LRRTM4: variants seen among roughly 807,000 people sequenced by gnomAD.
The protein encoded by LRRTM4 is leucine rich repeat transmembrane neuronal 4.
LRRTM4 carries 25 observed loss-of-function variants against 47.6 expected under a neutral mutation model. The observed-to-expected ratio is 0.53, with a 90% CI of 0.38 to 0.73. The LOEUF is 0.73. LRRTM4 is among the 30% of genes least tolerant of loss of function. The pLI is 0.00. For synonymous variants in LRRTM4, 311 were observed against 269.5 expected (o/e 1.15, Z -1.51); for missense variants, 638 against 713.4 (o/e 0.89, Z 1.20).
intron 3 of LRRTM4, among the ~76,000 whole-genome samples, chr2:77,253,598 C>T (rs1043854593): frequency 1.3e-5 from 2 of 152,050 alleles, no homozygotes; most frequent in Admixed American, 1.3e-4. Context: ...GAAATGACAA[C>T]TAACAGATGC....
chr2:77,082,106 G>A (rs1009393368), intron 3 of LRRTM4, among the ~76,000 whole-genome samples: 2 of 152,008 alleles, frequency 1.3e-5, no homozygotes, highest in Admixed American at 1.3e-4. Flanking sequence ...AAAACAAGTA[G>A]ATCCAAGAAG....
At position 76,795,592 on chromosome 2, in the gene LRRTM4, TAC is replaced by T. The variant is rs1299097982; in HGVS notation, c.1552-46678_1552-46677del. On this transcript the variant is annotated intron_variant, in intron 3 of 3. Transcript: ENST00000409884. ...GTGCATATATATGCACACACACACATACACACACACTACATTTTCTTTATCCA... is the reference window on the plus strand; with the variant it reads ...GTGCATATATATGCACACACACACATACACACACTACATTTTCTTTATCCA... Among the ~76,000 whole-genome samples, 9 of 108,546 alleles carry T rather than the reference TAC, an allele frequency of 8.3e-5. No homozygotes were observed. The East Asian group carries it at 1.9e-3, about 23-fold the overall frequency. 71.2% of individuals were successfully genotyped at this position (108,546 alleles called of 152,430 possible).
chr2:76,862,960 T>C (rs879262420), intron 3 of LRRTM4, among the ~76,000 whole-genome samples: 1 of 152,224 alleles, frequency 6.6e-6, no homozygotes, highest in Non-Finnish European at 1.5e-5. Context: ...TTCCAGATTA[T>C]GTTTCTACCC....
In LRRTM4 at chr2:77,003,742, C is replaced by CT. The variant is rs574880944; in HGVS notation, c.1552-254827dup. Among the ~76,000 whole-genome samples the CT allele has an allele frequency of 5.9e-5, 9 of 152,190 alleles. No homozygotes were observed. The South Asian group carries it at 1.9e-3, about 32-fold the overall frequency. ...TAGTGGGACACTGCTGTAAAGACAC[C>CT]TGAAAATGTGGAAGCAACTTTGGAA... On this transcript the variant is annotated intron_variant, in intron 3 of 3. Coordinates refer to ENST00000409884, the MANE Select transcript of LRRTM4 (RefSeq NM_001134745.3).
intron 3 of LRRTM4, among the ~76,000 whole-genome samples, chr2:76,832,220 A>G (rs1373971515): frequency 2.0e-5 from 3 of 152,090 alleles, no homozygotes; most frequent in African/African-American, 4.8e-5. Context: ...CACCAATTTG[A>G]TTCTAAGCAA....
intron 3 of LRRTM4, among the ~76,000 whole-genome samples, chr2:76,916,220 T>C (rs760938881): frequency 6.6e-6 from 1 of 150,842 alleles, no homozygotes; most frequent in Non-Finnish European, 1.5e-5. Context: ...TTAAAAAATA[T>C]GTATGGTCCA....
At chr2:77,301,842 A>G (rs977676531) in intron 3 of LRRTM4, among the ~76,000 whole-genome samples, 12 of 152,178 alleles carry the variant, frequency 7.9e-5, no homozygotes, top group African/African-American at 1.9e-4. Context: ...CAGATATCAC[A>G]TATTGTATGC....
intron 3 of LRRTM4, among the ~76,000 whole-genome samples, chr2:76,923,037 G>A (rs1307405224): frequency 6.6e-6 from 1 of 152,060 alleles, no homozygotes; most frequent in Non-Finnish European, 1.5e-5. Context: ...TAAGCATTAT[G>A]TCTTATTGGG....
chr2:76,998,663 G>A (rs1473548528), intron 3 of LRRTM4, among the ~76,000 whole-genome samples: 2 of 149,790 alleles, frequency 1.3e-5, no homozygotes, highest in Non-Finnish European at 1.5e-5. Flanking sequence ...CGTGTATCCC[G>A]TTGGAGAGAA....
intron 3 of LRRTM4, among the ~76,000 whole-genome samples, chr2:77,008,330 A>G (rs1677736970): frequency 6.6e-6 from 1 of 152,158 alleles, no homozygotes; most frequent in African/African-American, 2.4e-5. Flanking sequence ...GATAATTGTA[A>G]TATGTATTTT....
intron 3 of LRRTM4, among the ~76,000 whole-genome samples, chr2:77,228,499 T>C (rs1408350429): frequency 6.6e-6 from 1 of 152,172 alleles, no homozygotes; most frequent in African/African-American, 2.4e-5. Context: ...TTCAGCCTTC[T>C]TGATCATGCC....
At chr2:77,198,940 A>G (rs1673902484) in intron 3 of LRRTM4, among the ~76,000 whole-genome samples, 1 of 152,150 alleles carries the variant, frequency 6.6e-6, no homozygotes, top group African/African-American at 2.4e-5. Flanking sequence ...ATGCTGCAGG[A>G]TCAAGGACTC....
At chr2:77,478,426 C>A (rs1677522077) in intron 3 of LRRTM4, among the ~76,000 whole-genome samples, 1 of 152,100 alleles carries the variant, frequency 6.6e-6, no homozygotes. Context: ...TTTTACAATC[C>A]TCATAGACTA....
chr2:77,300,086 G>A (rs1307868886), intron 3 of LRRTM4, among the ~76,000 whole-genome samples: 3 of 151,896 alleles, frequency 2.0e-5, no homozygotes, highest in Non-Finnish European at 4.4e-5. Flanking sequence ...TCTTGACCTC[G>A]TGATGTACCT....
chr2:77,304,955 A>G (rs1322562835), intron 3 of LRRTM4, among the ~76,000 whole-genome samples: 1 of 152,092 alleles, frequency 6.6e-6, no homozygotes, highest in African/African-American at 2.4e-5. Flanking sequence ...CCTTTATAAT[A>G]TAACATGAAT....
intron 3 of LRRTM4, among the ~76,000 whole-genome samples, chr2:77,293,600 C>A (rs892001181): frequency 6.6e-6 from 1 of 152,022 alleles, no homozygotes; most frequent in Non-Finnish European, 1.5e-5. Context: ...AGAAAGAACA[C>A]AAAAAGAAAA....
At chr2:76,814,177 A>G (rs1194736142) in intron 3 of LRRTM4, among the ~76,000 whole-genome samples, 2 of 152,106 alleles carry the variant, frequency 1.3e-5, no homozygotes, top group African/African-American at 4.8e-5. Flanking sequence ...TTTTCATCCA[A>G]TCTATTTATT....
intron 3 of LRRTM4, among the ~76,000 whole-genome samples, chr2:76,800,300 A>T (rs1344186410): frequency 6.7e-6 from 1 of 149,328 alleles, no homozygotes; most frequent in Non-Finnish European, 1.5e-5. Flanking sequence ...ATAGTGCCGC[A>T]TATCTACAAC....
chr2:76,961,206 G>C lies in LRRTM4; in HGVS notation c.1552-212290C>G, dbSNP rs550356412. 5.4e-4 allele frequency among the ~76,000 whole-genome samples: 82 copies of C among 151,424 alleles called. 1 individual carries two copies. The highest frequency in any genetic ancestry group is 4.8e-3 in the South Asian group (23 of 4,818). On this transcript the variant is annotated intron_variant, in intron 3 of 3. Transcript: ENST00000409884. ...AAGTGCTGTTTATCATGTTTATCTG[G>C]TGTCACATGTAAATAAATATCTAAT...
Sources: gnomAD v4.1 joint callset for allele counts (sites outside exome capture counted in the v4.1 genomes callset) on GRCh38, gnomAD v4.1.1 for gene constraint, MANE v1.5 for transcripts, NCBI Gene and HGNC (gene_info 2026-07-23, HGNC 2026-07-21) for gene names.